LRP1: variants seen among roughly 807,000 people sequenced by gnomAD.
The protein encoded by LRP1 is LDL receptor related protein 1.
LRP1 carries 51 observed loss-of-function variants against 541.5 expected under a neutral mutation model. The observed-to-expected ratio is 0.09, with a 90% confidence interval of 0.08 to 0.12. The LOEUF is 0.12. Ranked by LOEUF, LRP1 falls within the 10% of genes least tolerant of loss-of-function variation. The pLI is 1.00. For missense variants in LRP1, 3,878 were observed against 6,376.2 expected (o/e 0.61, Z 13.34); for synonymous variants, 2,219 against 2,470.8 (o/e 0.90, Z 3.02).
Position 57,191,308 on chromosome 12 carries a change from C to CT in LRP1, c.7237-11dup, listed in dbSNP as rs746764445. 5 of 1,585,502 alleles carry CT rather than the reference C, an allele frequency of 3.2e-6. No homozygotes were observed. The South Asian group carries it at 5.7e-5, about 18-fold the overall frequency. ...GAGCGATGCTGTGACGGTGATGGTG[C>CT]TGTCTCCACAGGTGATCCTAAAGTC... On this transcript the variant is annotated splice_polypyrimidine_tract_variant and intron_variant, in intron 43 of 88. Coordinates refer to ENST00000243077, the MANE Select transcript of LRP1 (RefSeq NM_002332.3).
In LRP1 at chr12:57,199,327, C is replaced by T; in HGVS notation, c.9792C>T (p.Asn3264=). 1 of 1,613,532 alleles carries T rather than the reference C, an allele frequency of 6.2e-7. No individual in the cohort carries two copies. Among genetic ancestry groups the T allele is most frequent in the Non-Finnish European group, 8.5e-7 (1 of 1,179,966 alleles). The part of the protein sequence containing the change: ...INRAHKTTGT[N]KTLLISTLHR... Reference sequence around the variant, plus strand: ...GAGCCCACAAGACCACGGGCACCAACAAAACGCTCCTCATCAGCACGCTGC... The same window carrying T: ...GAGCCCACAAGACCACGGGCACCAATAAAACGCTCCTCATCAGCACGCTGC... Residue 3264 remains asparagine, a synonymous_variant, in exon 61 of 89, where the codon AAC becomes AAT. Coordinates refer to ENST00000243077, the MANE Select transcript of LRP1 (RefSeq NM_002332.3).
At position 57,162,582 on chromosome 12, in the gene LRP1, T is replaced by C. The variant is rs1324903735; in HGVS notation, c.2404+64T>C. 4 of 1,580,874 alleles carry C rather than the reference T, an allele frequency of 2.5e-6. No individual in the cohort carries two copies. In the African/African-American group the frequency reaches 5.4e-5, roughly 21 times the overall value. ...GGGGTGGTGGGACTTAGGCATTGAT[T>C]TGAGACTTCCCTGGGAGTGAAGGCA... On this transcript the variant is annotated intron_variant, in intron 14 of 88. Transcript: ENST00000243077. This position sits in a 1 kb window ranked among gnomAD's most constrained non-coding sequence, Gnocchi z 5.2.
chr12:57,190,845 A>G lies in LRP1; in HGVS notation c.7072A>G (p.Ile2358Val), dbSNP rs1453256664. 6.2e-7 allele frequency: 1 copy of G among 1,613,952 alleles called. No homozygotes were observed. The highest frequency in any genetic ancestry group is 1.1e-5 in the South Asian group (1 of 91,086). ...CAACTGGAATGAGCAGCATCCCAGC[A>G]TCATGCGGGCGGCGCTCTCGGGAGC... is the stretch of plus-strand genomic sequence containing the variant. ...WTNWNEQHPSIMRAALSGANV... is the reference protein window; with the variant it reads ...WTNWNEQHPSVMRAALSGANV... The change falls in exon 43 of 89, where the codon ATC (isoleucine) becomes GTC (valine). Residue 2358 changes from isoleucine (I) to valine (V), a missense_variant. Ile to Val is a conservative substitution (Grantham distance 29). Around this residue, in one of 13 missense-constraint regions of LRP1, gnomAD observed 1,100 missense variants for 1,827.4 expected, o/e 0.60. Transcript: ENST00000243077.
chr12:57,145,027 C>T lies in LRP1; in HGVS notation c.504C>T (p.Asp168=), dbSNP rs753788231. The T allele has an allele frequency of 5.1e-5, 83 of 1,613,996 alleles. No homozygotes were observed. The highest frequency in any genetic ancestry group is 9.9e-5 in the South Asian group (9 of 91,082). The change falls in exon 5 of 89, where the codon GAC becomes GAT. Residue 168 remains aspartate (D), a synonymous_variant. Transcript: ENST00000243077. The part of the protein sequence containing the change: ...GTCSQLCTNT[D]GSFICGCVEG... ...GCAGCCAGCTATGCACCAACACAGA[C>T]GGCTCCTTCATATGTGGCTGTGTTG...
Position 57,156,584 on chromosome 12 carries a change from C to T in LRP1, c.1418-193C>T, listed in dbSNP as rs2136676519. Among the ~76,000 whole-genome samples, 1 of 152,332 alleles carries T rather than the reference C, an allele frequency of 6.6e-6. No homozygotes were observed. Among genetic ancestry groups the T allele is most frequent in the Non-Finnish European group, 1.5e-5 (1 of 68,040 alleles). ...AACTCTCTTCCCTGACTACTGAAGC[C>T]CCCACTCCAAGAGTTTGAAGGCTGG... On this transcript the variant is annotated intron_variant, in intron 9 of 88. Coordinates refer to ENST00000243077, the MANE Select transcript of LRP1 (RefSeq NM_002332.3). This position sits in a 1 kb window ranked among gnomAD's most constrained non-coding sequence, Gnocchi z 5.2.
intron 6 of LRP1, among the ~76,000 whole-genome samples, chr12:57,145,879 C>A (rs1404590736): frequency 6.6e-6 from 1 of 152,122 alleles, no homozygotes; most frequent in Admixed American, 6.5e-5. Flanking sequence ...TAGGCTGCAG[C>A]TGAGGGTAAA....
intron 50 of LRP1, 45 bp downstream of exon 50, chr12:57,194,744 G>T: frequency 6.6e-7 from 1 of 1,517,812 alleles, no homozygotes; most frequent in Non-Finnish European, 8.8e-7. Flanking sequence ...AGCCTGCTGG[G>T]CCCCACTTCT....
In LRP1 at chr12:57,205,042, A is replaced by G; in HGVS notation, c.11195-67A>G. 10 of 1,544,966 alleles carry G rather than the reference A, an allele frequency of 6.5e-6. No individual in the cohort carries two copies. The highest frequency in any genetic ancestry group is 1.2e-5 in the South Asian group (1 of 81,710). On this transcript the variant is annotated intron_variant, in intron 72 of 88. Transcript: ENST00000243077. The surrounding 1 kb of genome is among the most constrained non-coding windows in gnomAD (Gnocchi z 4.6). ...TAGGAATTGGGAGCCACTGTTATCTATGGGGTTGCCGTGGGAGGAGGAGGC... is the reference window on the plus strand; with the variant it reads ...TAGGAATTGGGAGCCACTGTTATCTGTGGGGTTGCCGTGGGAGGAGGAGGC...
Position 57,176,123 on chromosome 12 carries a change from G to A in LRP1, c.3991+17G>A. On this transcript the variant is annotated intron_variant, in intron 24 of 88. Transcript: ENST00000243077. ...ACAACGGAGGTGACCACCGATTGCT[G>A]CCAGGCAGGATGCACACAGGCGGAG... 6.2e-7 allele frequency: 1 copy of A among 1,613,192 alleles called. No individual in the cohort carries two copies. Among genetic ancestry groups the A allele is most frequent in the Middle Eastern group, 1.7e-4 (1 of 6,058 alleles).
chr12:57,204,970 C>T lies in LRP1; in HGVS notation c.11195-139C>T. 7.2e-7 allele frequency: 1 copy of T among 1,391,652 alleles called. No individual in the cohort carries two copies. Among genetic ancestry groups the T allele is most frequent in the Non-Finnish European group, 9.8e-7 (1 of 1,025,572 alleles). The allele number at this position is 1,391,652 out of a possible 1,614,324, so 86.2% of individuals were successfully genotyped here. On this transcript the variant is annotated intron_variant, in intron 72 of 88. Coordinates refer to ENST00000243077, the MANE Select transcript of LRP1 (RefSeq NM_002332.3). This position sits in a 1 kb window ranked among gnomAD's most constrained non-coding sequence, Gnocchi z 5.3. ...GATGCCTTAGGTCTTGGAGGTGGGG[C>T]TGGGAACCCAAATGTTTGACCTGCT...
chr12:57,152,291 G>A (rs1027252161), intron 6 of LRP1, among the ~76,000 whole-genome samples: 3 of 152,058 alleles, frequency 2.0e-5, no homozygotes, highest in South Asian at 2.1e-4. Context: ...TCAGGAAGTC[G>A]GAGAGAAGGC....
intron 1 of LRP1, among the ~76,000 whole-genome samples, chr12:57,131,291 A>G (rs1470738944): frequency 4.6e-5 from 7 of 152,138 alleles, no homozygotes; most frequent in Admixed American, 4.6e-4. Context: ...TTTGGGGAGT[A>G]ACGTCACTCC....
chr12:57,198,075 A>G, intron 58 of LRP1, 81 bp from the exon 59 acceptor site: 2 of 1,245,448 alleles, frequency 1.6e-6, no homozygotes, highest in Non-Finnish European at 2.3e-6. Flanking sequence ...ATTTTACACG[A>G]GGGGAGGCTG....
intron 76 of LRP1, among the ~76,000 whole-genome samples, chr12:57,207,310 TAA>T (rs2036804196): frequency 7.1e-6 from 1 of 140,810 alleles, no homozygotes; most frequent in Admixed American, 7.4e-5. Flanking sequence ...AATAAATAAA[TAA>T]ATAAATAAAT....
chr12:57,212,593 G>GC lies in LRP1; in HGVS notation c.*43dup. Reference sequence around the variant, plus strand: ...TCGGACTGCCCCCAGAAAGCCTCCTGCCCCCTGCCAGTGAAGTCCTTCAGT... The same window carrying GC: ...TCGGACTGCCCCCAGAAAGCCTCCTGCCCCCCTGCCAGTGAAGTCCTTCAGT... On this transcript the variant is annotated 3_prime_UTR_variant, in exon 89 of 89. Transcript: ENST00000243077. The surrounding 1 kb of genome is among the most constrained non-coding windows in gnomAD (Gnocchi z 5.0). 6.5e-7 allele frequency: 1 copy of GC among 1,539,658 alleles called. No individual in the cohort carries two copies. Among genetic ancestry groups the GC allele is most frequent in the Non-Finnish European group, 8.7e-7 (1 of 1,143,236 alleles).
chr12:57,195,175 C>A, intron 51 of LRP1, 74 bp downstream of exon 51: 1 of 1,590,202 alleles, frequency 6.3e-7, no homozygotes, highest in South Asian at 1.1e-5. Context: ...ACCCCACACA[C>A]AGACACCCCT....
Position 57,145,252 on chromosome 12 carries a change from G to A in LRP1, c.603G>A (p.Leu201=). ...KNEPVDRPPV[L]LIANSQNILA... is the part of the protein sequence containing the mutation. ...AGCCAGTAGACCGGCCCCCTGTGCT[G>A]TTGATAGCCAACTCCCAGAACATCT... The change falls in exon 6 of 89, where the codon CTG becomes CTA. Residue 201 remains leucine, a synonymous_variant. Transcript: ENST00000243077. The A allele has an allele frequency of 6.2e-7, 1 of 1,614,146 alleles. No homozygotes were observed. Among genetic ancestry groups the A allele is most frequent in the African/African-American group, 1.3e-5 (1 of 75,036 alleles).
At position 57,173,212 on chromosome 12, in the gene LRP1, C is replaced by T. The variant is rs756577980; in HGVS notation, c.3208C>T (p.Arg1070Trp). The change falls in exon 21 of 89, where the codon CGG (arginine) becomes TGG (tryptophan). Residue 1070 changes from arginine to tryptophan, a missense_variant. Physicochemically the swap from Arg to Trp is moderately radical, Grantham distance 101 (BLOSUM62 -3). Around this residue, in one of 13 missense-constraint regions of LRP1, gnomAD observed 320 missense variants for 547.9 expected, o/e 0.58. Transcript: ENST00000243077. The surrounding 1 kb of genome is among the most constrained non-coding windows in gnomAD (Gnocchi z 4.7). ...GGCHTDEFQC[R>W]LDGLCIPLRW... ...CTGCCACACTGATGAGTTCCAGTGCCGGCTGGATGGACTATGCATCCCCCT... is the reference window on the plus strand; with the variant it reads ...CTGCCACACTGATGAGTTCCAGTGCTGGCTGGATGGACTATGCATCCCCCT... The T allele has an allele frequency of 2.4e-5, 39 of 1,613,564 alleles. No homozygotes were observed. Among genetic ancestry groups the T allele is most frequent in the Non-Finnish European group, 3.0e-5 (35 of 1,179,894 alleles).
chr12:57,209,900 G>T lies in LRP1; in HGVS notation c.12439+32G>T, dbSNP rs531187855. ...GCAGAGGGGAGCCTGGGCTGGGGAA[G>T]GGAGGCCTGTGGGCATTGAGTCTCC... is the stretch of plus-strand genomic sequence containing the variant. On this transcript the variant is annotated intron_variant, in intron 80 of 88. Coordinates refer to ENST00000243077, the MANE Select transcript of LRP1 (RefSeq NM_002332.3). 3.1e-6 allele frequency: 5 copies of T among 1,608,972 alleles called. No homozygotes were observed. The African/African-American group carries it at 4.0e-5, about 13-fold the overall frequency.
Sources: allele counts gnomAD v4.1 joint callset (sites outside exome capture counted in the v4.1 genomes callset), GRCh38; gene constraint gnomAD v4.1.1; regional missense constraint gnomAD v4.1.1; non-coding constraint Gnocchi (gnomAD v3.1); transcripts MANE v1.5; gene names NCBI Gene and HGNC (gene_info 2026-07-23, HGNC 2026-07-21).